The following TRPM2 variants were observed in gnomAD, a reference collection of about 807,000 sequenced individuals.
The protein encoded by TRPM2 is transient receptor potential cation channel subfamily M member 2.
A neutral mutation model predicts 174.0 loss-of-function variants in TRPM2; 161 were observed. That is an observed-to-expected ratio of 0.93 (90% confidence interval 0.81 to 1.05). The LOEUF (loss-of-function observed/expected upper bound fraction) is 1.05, where lower values mean the gene tolerates loss of function less well. TRPM2 is among the 50% of genes least tolerant of loss of function. The pLI is 0.00. For synonymous variants in TRPM2, 954 were observed against 861.3 expected (o/e 1.11, Z -1.88); for missense variants, 2,057 against 2,038.0 (o/e 1.01, Z -0.18).
rs904030889 is a variant in TRPM2, at chr21:44,425,302, C to CCT, written c.3637+363_3637+364insCT. 41 of 391,474 alleles carry CCT rather than the reference C, an allele frequency of 1.0e-4. 1 individual carries two copies. The highest frequency in any genetic ancestry group is 7.1e-4 in the African/African-American group (35 of 49,090). 24.3% of individuals were successfully genotyped at this position (391,474 alleles called of 1,614,324 possible). A position where few individuals can be genotyped will look rare whatever the true frequency, so the allele number is the denominator to read the frequency against. On this transcript the variant is annotated intron_variant, in intron 24 of 31. Coordinates refer to ENST00000397928, the MANE Select transcript of TRPM2 (RefSeq NM_003307.4). ...GTGACGAGAAGCAAAGTCTGTTTTC[C>CCT]TAAATTCGCAGCCGGCTATGAAATG...
chr21:44,384,169 G>C (rs1201243786), intron 9 of TRPM2, among the ~76,000 whole-genome samples: 1 of 152,194 alleles, frequency 6.6e-6, no homozygotes, highest in Non-Finnish European at 1.5e-5. Flanking sequence ...TGAAAGTAGG[G>C]ACATTACTCC....
rs1319777904 is a variant in TRPM2 at position 44,432,712 on chromosome 21, CT to C, written c.3975-2418del. Among the ~76,000 whole-genome samples, 5 of 152,302 alleles carry C rather than the reference CT, an allele frequency of 3.3e-5. No individual in the cohort carries two copies. Among genetic ancestry groups the C allele is most frequent in the African/African-American group, 9.6e-5 (4 of 41,564 alleles). On this transcript the variant is annotated intron_variant, in intron 27 of 31. Transcript: ENST00000397928. This position sits in a 1 kb window ranked among gnomAD's most constrained non-coding sequence, Gnocchi z 4.9. ...ACTCCACTTGGGCTTTGCTTGCCCC[CT>C]CTTTCTGAGATGGATTGAGGTCAGG... is the stretch of plus-strand genomic sequence containing the variant.
chr21:44,429,051 G>A (rs1210097812), intron 27 of TRPM2, among the ~76,000 whole-genome samples: 1 of 152,176 alleles, frequency 6.6e-6, no homozygotes. Flanking sequence ...CAAATCCATT[G>A]ATAAGAATTG....
Position 44,405,916 on chromosome 21 carries a change from C to T in TRPM2, c.2669C>T (p.Ala890Val), listed in dbSNP as rs34601320. ...VAGLTCRLIP[A>V]TLYPGRVILS... ...TGCCCGGCGGCCAGGCTCATCCCGGCGACGCTGTACCCCGGGCGCGTCATC... is the reference window on the plus strand; with the variant it reads ...TGCCCGGCGGCCAGGCTCATCCCGGTGACGCTGTACCCCGGGCGCGTCATC... Residue 890 changes from alanine (A) to valine (V), a missense_variant, in exon 18 of 32, where the codon GCG (alanine) becomes GTG (valine). By Grantham distance (64) the Ala-to-Val change is moderately conservative. Transcript: ENST00000397928. The T allele has an allele frequency of 1.3e-3, 2,019 of 1,603,466 alleles. 13 individuals carry two copies. Among genetic ancestry groups the T allele is most frequent in the Middle Eastern group, 1.7e-3 (10 of 6,048 alleles).
intron 16 of TRPM2, 95 bp from the exon 17 acceptor site, chr21:44,405,047 C>G: frequency 1.3e-6 from 2 of 1,541,782 alleles, no homozygotes; most frequent in South Asian, 1.1e-5. Flanking sequence ...GTGACAGTGA[C>G]TGTGATGATG....
At chr21:44,350,323 G>C (rs1480622664), upstream of TRPM2, 1 of 150,844 alleles carries the variant, frequency 6.6e-6, no homozygotes, top group Non-Finnish European at 1.5e-5. Context: ...CGGGTGCGGG[G>C]ACTGAGGCGG....
chr21:44,391,574 G>A lies in TRPM2; in HGVS notation c.1743G>A (p.Arg581=), dbSNP rs774540679. ...DFTQPLYPRP[R]HNDRLRLLLP... ...CGCAGCCGCTTTATCCCCGGCCCCG[G>A]CACAACGACCGGCTGCGGCTCCTGC... The change falls in exon 11 of 32, where the codon CGG becomes CGA. Residue 581 remains arginine (R), a synonymous_variant. Coordinates refer to ENST00000397928, the MANE Select transcript of TRPM2 (RefSeq NM_003307.4). The surrounding 1 kb of genome is among the most constrained non-coding windows in gnomAD (Gnocchi z 5.0). The A allele has an allele frequency of 1.3e-6, 2 of 1,592,104 alleles. No individual in the cohort carries two copies. The highest frequency in any genetic ancestry group is 8.5e-7 in the Non-Finnish European group (1 of 1,175,102).
chr21:44,440,646 C>A, intron 30 of TRPM2, 143 bp from the exon 31 acceptor site: 1 of 726,914 alleles, frequency 1.4e-6, no homozygotes, highest in Non-Finnish European at 2.4e-6. Context: ...GGCAGGCTGG[C>A]GGGGGCTGGG....
Position 44,405,957 on chromosome 21 carries a change from A to G in TRPM2, c.2710A>G (p.Ile904Val). 1 of 1,608,468 alleles carries G rather than the reference A, an allele frequency of 6.2e-7. No homozygotes were observed. The highest frequency in any genetic ancestry group is 8.5e-7 in the Non-Finnish European group (1 of 1,179,736). ...GCGCGTCATCCTCTCTCTGGACTTCATCCTGTTCTGCCTCCGGCTCATGCA... is the reference window on the plus strand; with the variant it reads ...GCGCGTCATCCTCTCTCTGGACTTCGTCCTGTTCTGCCTCCGGCTCATGCA... ...PGRVILSLDF[I>V]LFCLRLMHIF... The change falls in exon 18 of 32, where the codon ATC (isoleucine) becomes GTC (valine). Residue 904 changes from isoleucine (I) to valine (V), a missense_variant. Physicochemically the swap from Ile to Val is conservative, Grantham distance 29. Transcript: ENST00000397928.
At chr21:44,357,164 C>G (rs1051354216) in intron 2 of TRPM2, among the ~76,000 whole-genome samples, 1 of 152,204 alleles carries the variant, frequency 6.6e-6, no homozygotes, top group Non-Finnish European at 1.5e-5. Context: ...AGCGCCTATT[C>G]AAGATGGGAC....
intron 19 of TRPM2, among the ~76,000 whole-genome samples, chr21:44,407,141 T>TCCTCCCTC (rs1569078958): frequency 2.3e-5 from 2 of 88,682 alleles, no homozygotes; most frequent in Admixed American, 1.3e-4. Flanking sequence ...ATTCCTCCCT[T>TCCTCCCTC]CCTCCCTTCC....
In TRPM2 at chr21:44,440,825, G is replaced by T; in HGVS notation, c.4306G>T (p.Asp1436Tyr). The change falls in exon 31 of 32, where the codon GAC becomes TAC. Residue 1436 changes from aspartate (D) to tyrosine (Y), a missense_variant. By Grantham distance (160) the Asp-to-Tyr change is radical (BLOSUM62 -3). Coordinates refer to ENST00000397928, the MANE Select transcript of TRPM2 (RefSeq NM_003307.4). ...KGYMDDPRNT[D>Y]NAWIETVAVS... Reference sequence around the variant, plus strand: ...CTACATGGATGACCCGAGGAACACGGACAATGCCTGGATCGAGACGGTGGC... The same window carrying T: ...CTACATGGATGACCCGAGGAACACGTACAATGCCTGGATCGAGACGGTGGC... The T allele has an allele frequency of 6.2e-7, 1 of 1,613,962 alleles. No homozygotes were observed.
intron 2 of TRPM2, among the ~76,000 whole-genome samples, chr21:44,360,565 T>A (rs2048181178): frequency 8.5e-6 from 1 of 117,156 alleles, no homozygotes; most frequent in African/African-American, 3.5e-5. Context: ...TTTAGTTTTA[T>A]GTCTTTTTTT....
chr21:44,378,804 C>T (rs1054356403), intron 7 of TRPM2, among the ~76,000 whole-genome samples, 193 bp from the exon 8 acceptor site: 3 of 152,220 alleles, frequency 2.0e-5, no homozygotes, highest in African/African-American at 7.2e-5. Flanking sequence ...AGGTGTGCAG[C>T]CCCCAGTGTG....
chr21:44,401,201 A>C (rs184698723), intron 15 of TRPM2, among the ~76,000 whole-genome samples: 16 of 152,126 alleles, frequency 1.1e-4, no homozygotes, highest in African/African-American at 3.6e-4. Context: ...CGGCCCGGGG[A>C]TAGGGACCTG....
intron 9 of TRPM2, 110 bp from the exon 10 acceptor site, chr21:44,390,794 T>C: frequency 6.8e-7 from 1 of 1,460,764 alleles, no homozygotes; most frequent in Admixed American, 1.8e-5. Flanking sequence ...CACTTTGAAT[T>C]GTTGAGAGGC....
At chr21:44,422,521 A>T in intron 22 of TRPM2, 1 of 1,430,946 alleles carries the variant, frequency 7.0e-7, no homozygotes, top group Non-Finnish European at 9.3e-7. Context: ...TCCCTAGATA[A>T]CTGTTTAAAG....
At chr21:44,408,419 G>A (rs147306599) in intron 19 of TRPM2, among the ~76,000 whole-genome samples, 279 of 151,920 alleles carry the variant, frequency 1.8e-3, no homozygotes, top group African/African-American at 5.6e-3. Context: ...AGAACCGGCC[G>A]CATTCCACAT....
At position 44,399,316 on chromosome 21, in the gene TRPM2, C is replaced by A. The variant is rs368229451; in HGVS notation, c.2083C>A (p.Arg695=). The A allele has an allele frequency of 6.2e-7, 1 of 1,612,624 alleles. No individual in the cohort carries two copies. Residue 695 remains arginine, a synonymous_variant, in exon 14 of 32, where the codon CGG becomes AGG. Transcript: ENST00000397928. The surrounding 1 kb of genome is among the most constrained non-coding windows in gnomAD (Gnocchi z 4.6). The part of the protein sequence containing the change: ...RAIGVFTECY[R]KDEERAQKLL... ...CCCAGGGGTCTTCACCGAGTGCTAC[C>A]GGAAGGACGAAGAGAGAGCCCAGAA...
Sources: gnomAD v4.1 joint callset for allele counts (sites outside exome capture counted in the v4.1 genomes callset) on GRCh38, gnomAD v4.1.1 for gene constraint, Gnocchi (gnomAD v3.1) non-coding constraint, MANE v1.5 for transcripts, NCBI Gene and HGNC (gene_info 2026-07-23, HGNC 2026-07-21) for gene names.